The following SGCD variants were observed in gnomAD, a reference collection of about 807,000 sequenced individuals.
SGCD encodes sarcoglycan delta.
Under a neutral mutation model 36.6 loss-of-function variants are expected in SGCD, and 18 were observed. That is an observed-to-expected ratio of 0.49 (90% confidence interval 0.34 to 0.73). SGCD has a LOEUF of 0.73. Among genes scored for constraint, SGCD ranks in the 30% least tolerant of loss-of-function variants. SGCD has a pLI of 0.01. For synonymous variants in SGCD, 133 were observed against 130.6 expected (o/e 1.02, Z -0.12); for missense variants, 387 against 346.7 (o/e 1.12, Z -0.92).
chr5:156,462,772 G>T (rs1754542340), intron 3 of SGCD, among the ~76,000 whole-genome samples: 1 of 151,922 alleles, frequency 6.6e-6, no homozygotes, highest in East Asian at 1.9e-4. Flanking sequence ...ATTTACATTA[G>T]GTTGGTACAA....
At chr5:155,983,731 A>G (rs1177493953) in intron 1 of SGCD, among the ~76,000 whole-genome samples, 1 of 152,256 alleles carries the variant, frequency 6.6e-6, no homozygotes, top group East Asian at 1.9e-4. Flanking sequence ...TATAAAAATT[A>G]TATTTTAGAA....
Position 156,627,276 on chromosome 5 carries a change from G to A in SGCD, c.503-20188G>A, listed in dbSNP as rs560323498. Among the ~76,000 whole-genome samples, 11 of 152,196 alleles carry A rather than the reference G, an allele frequency of 7.2e-5. No individual in the cohort carries two copies. In the East Asian group the frequency reaches 1.7e-3, roughly 24 times the overall value. On this transcript the variant is annotated intron_variant, in intron 6 of 8. Coordinates refer to ENST00000337851, the MANE Select transcript of SGCD (RefSeq NM_000337.6). ...TAGAAGGTTCAGAAAAATGAGCCTG[G>A]GCCTATTGATTTGTTAGTGTCCAGT...
At chr5:155,883,793 CAAAAAAAAA>C (rs34250962) in intron 1 of SGCD, among the ~76,000 whole-genome samples, 2 of 83,524 alleles carry the variant, frequency 2.4e-5, no homozygotes, top group African/African-American at 9.8e-5. Flanking sequence ...CTTCAATTTG[CAAAAAAAAA>C]AAAAAAAAAA....
intron 2 of SGCD, among the ~76,000 whole-genome samples, chr5:156,334,318 G>T (rs896948712): frequency 6.6e-6 from 1 of 152,142 alleles, no homozygotes; most frequent in Admixed American, 6.5e-5. Context: ...GGCCATGATG[G>T]GGTAGATACA....
chr5:156,298,811 G>C (rs907922043), intron 3 of SGCD, among the ~76,000 whole-genome samples: 20 of 152,024 alleles, frequency 1.3e-4, no homozygotes, highest in African/African-American at 4.6e-4. Flanking sequence ...TTTTCCTATA[G>C]AGGTATTGGA....
chr5:156,044,109 G>C (rs373012997), intron 1 of SGCD, among the ~76,000 whole-genome samples: 7 of 152,082 alleles, frequency 4.6e-5, no homozygotes, highest in African/African-American at 9.7e-5. Flanking sequence ...CTCTGGACTG[G>C]GGAAGTCAGA....
At chr5:156,182,254 A>G (rs552535476) in intron 3 of SGCD, among the ~76,000 whole-genome samples, 1 of 152,328 alleles carries the variant, frequency 6.6e-6, no homozygotes, top group Admixed American at 6.5e-5. Flanking sequence ...TTATAAAGCT[A>G]TAGCAATTAA....
the SGCD span, among the ~76,000 whole-genome samples, chr5:155,747,895 T>G: frequency 3.3e-5 from 5 of 152,262 alleles, no homozygotes; most frequent in South Asian, 1.0e-3. Context: ...CCTAAAAAAT[T>G]TAATAGCCTG....
chr5:156,124,725 A>G (rs1581113821), intron 3 of SGCD, among the ~76,000 whole-genome samples: 1 of 152,028 alleles, frequency 6.6e-6, no homozygotes, highest in Non-Finnish European at 1.5e-5. Flanking sequence ...ATGCATATAT[A>G]TGTACGTATA....
chr5:156,484,415 T>C (rs368227602), intron 3 of SGCD, among the ~76,000 whole-genome samples: 6 of 152,196 alleles, frequency 3.9e-5, no homozygotes, highest in Non-Finnish European at 8.8e-5. Flanking sequence ...CCCAAGGTCA[T>C]GTAAGTAATA....
chr5:156,167,563 C>T (rs1002798015), intron 3 of SGCD, among the ~76,000 whole-genome samples: 1 of 152,028 alleles, frequency 6.6e-6, no homozygotes, highest in African/African-American at 2.4e-5. Flanking sequence ...AGGGTGAATC[C>T]CTCATGAATG....
At chr5:156,023,125 C>G (rs1014992196) in intron 1 of SGCD, among the ~76,000 whole-genome samples, 5 of 152,222 alleles carry the variant, frequency 3.3e-5, no homozygotes, top group Non-Finnish European at 7.3e-5. Flanking sequence ...TTTTCTTCAC[C>G]TTTGAAATAT....
At chr5:156,319,328 C>G (rs74953545) in intron 3 of SGCD, among the ~76,000 whole-genome samples, 8,459 of 152,198 alleles carry the variant, frequency 0.056, 759 homozygotes, top group African/African-American at 0.19. Flanking sequence ...TTCATTCCAG[C>G]AGATATTTAA....
At chr5:156,455,560 G>A (rs1397598840) in intron 3 of SGCD, among the ~76,000 whole-genome samples, 1 of 151,856 alleles carries the variant, frequency 6.6e-6, no homozygotes, top group African/African-American at 2.4e-5. Flanking sequence ...CATTTTTGGA[G>A]CCTCCTTCGG....
chr5:156,053,800 C>T lies in SGCD; in HGVS notation c.-281-64078C>T, dbSNP rs1759984124. Among the ~76,000 whole-genome samples, 2 of 146,414 alleles carry T rather than the reference C, an allele frequency of 1.4e-5. 1 individual carries two copies. Among genetic ancestry groups the T allele is most frequent in the Non-Finnish European group, 3.1e-5 (2 of 64,964 alleles). ...ATAAACAACAGAAATTTATTGCTCA[C>T]AGTTATGGGGCCTGCAAAGTTCAAA... On this transcript the variant is annotated intron_variant, in intron 1 of 9. Transcript: ENST00000517913.
At chr5:156,709,632 C>A (rs143947471) in intron 7 of SGCD, among the ~76,000 whole-genome samples, 2 of 152,090 alleles carry the variant, frequency 1.3e-5, no homozygotes, top group African/African-American at 4.8e-5. Flanking sequence ...GCTTTTATAT[C>A]CCTGCAAGCC....
At chr5:156,494,335 A>AT (rs11295916) in intron 3 of SGCD, among the ~76,000 whole-genome samples, 12,199 of 136,248 alleles carry the variant, frequency 0.09, 588 homozygotes, top group Non-Finnish European at 0.1. Context: ...ATCCCCTCCT[A>AT]TTTTTTTTTT....
intron 3 of SGCD, among the ~76,000 whole-genome samples, chr5:156,194,127 G>A (rs1267173509): frequency 6.6e-6 from 1 of 152,180 alleles, no homozygotes; most frequent in Non-Finnish European, 1.5e-5. Context: ...TGTAATCCCA[G>A]CACTTTGGGA....
At chr5:156,753,800 C>G (rs1413410139) in intron 7 of SGCD, among the ~76,000 whole-genome samples, 1 of 152,048 alleles carries the variant, frequency 6.6e-6, no homozygotes, top group Non-Finnish European at 1.5e-5. Context: ...CCCCATGATT[C>G]AATTACCTCC....
Sources: gnomAD v4.1 joint callset for allele counts (sites outside exome capture counted in the v4.1 genomes callset) on GRCh38, gnomAD v4.1.1 for gene constraint, MANE v1.5 for transcripts, NCBI Gene and HGNC (gene_info 2026-07-23, HGNC 2026-07-21) for gene names.